The following ABI2 variants were observed in gnomAD, a reference collection of about 807,000 sequenced individuals.
The protein encoded by ABI2 is abl interactor 2.
ABI2 carries 25 observed loss-of-function variants against 59.2 expected under a neutral mutation model. That is an observed-to-expected ratio of 0.42 (90% CI 0.31 to 0.59). ABI2 has a LOEUF of 0.59. ABI2 is among the 20% of genes least tolerant of loss of function. ABI2 has a pLI of 0.14. For synonymous variants in ABI2, 213 were observed against 235.5 expected, an observed-to-expected ratio of 0.90 and a Z score of 0.87; for missense variants, 545 against 681.8, an observed-to-expected ratio of 0.80 and a Z score of 2.23.
At chr2:203,350,914 G>GTT (rs1330005308) in intron 1 of ABI2, among the ~76,000 whole-genome samples, 1 of 151,008 alleles carries the variant, frequency 6.6e-6, no homozygotes, top group African/African-American at 2.4e-5. Context: ...ACTTTTAGGT[G>GTT]TTATATATAA....
intron 2 of ABI2, among the ~76,000 whole-genome samples, chr2:203,371,680 T>G (rs549161978): frequency 6.6e-6 from 1 of 152,272 alleles, no homozygotes; most frequent in Admixed American, 6.5e-5. Context: ...TAACATTAAA[T>G]ATTTCCCCTA....
chr2:203,374,134 G>A (rs1236181568), intron 2 of ABI2, among the ~76,000 whole-genome samples: 1 of 152,092 alleles, frequency 6.6e-6, no homozygotes, highest in Non-Finnish European at 1.5e-5. Flanking sequence ...ATTCAAGCAT[G>A]GGCAACAGAG....
chr2:203,344,102 A>G (rs188764824), intron 1 of ABI2, among the ~76,000 whole-genome samples: 3 of 152,282 alleles, frequency 2.0e-5, no homozygotes, highest in East Asian at 3.9e-4. Context: ...TGAAATGTCA[A>G]ATGTTACTAT....
chr2:203,411,512 A>G (rs1223224581), intron 10 of ABI2, 141 bp downstream of exon 10: 2 of 668,768 alleles, frequency 3.0e-6, no homozygotes, highest in Non-Finnish European at 5.0e-6. Flanking sequence ...GCTAGTGGAG[A>G]TAAAATAGAG....
chr2:203,363,190 A>G (rs2093780233), intron 1 of ABI2, among the ~76,000 whole-genome samples: 1 of 152,092 alleles, frequency 6.6e-6, no homozygotes, highest in South Asian at 2.1e-4. Flanking sequence ...GAGTAGGTGT[A>G]TATATTTATG....
At chr2:203,372,273 G>C (rs942731396) in intron 2 of ABI2, among the ~76,000 whole-genome samples, 2 of 152,158 alleles carry the variant, frequency 1.3e-5, no homozygotes, top group African/African-American at 4.8e-5. Flanking sequence ...AGGATCCCAA[G>C]GCAGAAGAAT....
chr2:203,350,632 C>T (rs557711847), intron 1 of ABI2, among the ~76,000 whole-genome samples: 20 of 151,416 alleles, frequency 1.3e-4, no homozygotes, highest in Admixed American at 1.1e-3. Flanking sequence ...CTCTGCCTCC[C>T]GGGTTCAAGT....
At chr2:203,426,848 C>T (rs1461548187) in intron 11 of ABI2, among the ~76,000 whole-genome samples, 4 of 150,428 alleles carry the variant, frequency 2.7e-5, no homozygotes, top group African/African-American at 9.8e-5. Context: ...AAGAAACAGC[C>T]ATCTTTCTTG....
intron 1 of ABI2, among the ~76,000 whole-genome samples, chr2:203,347,530 G>A (rs1326670686): frequency 6.6e-6 from 1 of 152,204 alleles, no homozygotes; most frequent in Non-Finnish European, 1.5e-5. Flanking sequence ...GGAAACTCAT[G>A]GTTCAATTTG....
intron 9 of ABI2, among the ~76,000 whole-genome samples, chr2:203,410,591 T>C (rs1366038165): frequency 1.3e-5 from 2 of 152,212 alleles, no homozygotes; most frequent in Non-Finnish European, 2.9e-5. Flanking sequence ...CACTTTTCTA[T>C]ACCATCAGGG....
At chr2:203,354,665 C>T (rs147196182) in intron 1 of ABI2, among the ~76,000 whole-genome samples, 2 of 151,970 alleles carry the variant, frequency 1.3e-5, no homozygotes, top group South Asian at 4.2e-4. Flanking sequence ...CATTTTCTTG[C>T]ACTATACTGG....
intron 1 of ABI2, among the ~76,000 whole-genome samples, chr2:203,344,987 C>A (rs150775950): frequency 3.9e-5 from 6 of 152,298 alleles, no homozygotes; most frequent in African/African-American, 1.4e-4. Flanking sequence ...ATGGACCAAT[C>A]AGTAGGACGT....
chr2:203,373,304 A>C (rs2095430828), intron 2 of ABI2, among the ~76,000 whole-genome samples: 1 of 152,202 alleles, frequency 6.6e-6, no homozygotes, highest in South Asian at 2.1e-4. Flanking sequence ...CCACCAAAAA[A>C]GTACGAAAAC....
chr2:203,373,087 G>A (rs1411886429), intron 2 of ABI2, among the ~76,000 whole-genome samples: 3 of 152,100 alleles, frequency 2.0e-5, no homozygotes, highest in Admixed American at 1.3e-4. Flanking sequence ...CTGCAATCTC[G>A]GCACTTTGGG....
At chr2:203,377,898 A>G (rs746821209) in intron 2 of ABI2, among the ~76,000 whole-genome samples, 27 of 152,284 alleles carry the variant, frequency 1.8e-4, no homozygotes, top group East Asian at 1.9e-4. Flanking sequence ...AGAGTGAGAT[A>G]CTGTCTCATA....
chr2:203,427,012 G>C (rs1252877341), intron 11 of ABI2, among the ~76,000 whole-genome samples, 165 bp from the exon 12 acceptor site: 1 of 151,684 alleles, frequency 6.6e-6, no homozygotes, highest in Non-Finnish European at 1.5e-5. Flanking sequence ...TATATGACTG[G>C]GTATTACTTA....
intron 1 of ABI2, among the ~76,000 whole-genome samples, chr2:203,333,802 C>T (rs2075116618): frequency 6.6e-6 from 1 of 152,170 alleles, no homozygotes; most frequent in Admixed American, 6.5e-5. Context: ...TAAGTGACCT[C>T]ATAATTTCCG....
At chr2:203,337,500 TAAATG>T (rs1437322711) in intron 1 of ABI2, among the ~76,000 whole-genome samples, 2 of 152,120 alleles carry the variant, frequency 1.3e-5, no homozygotes, top group South Asian at 2.1e-4. Flanking sequence ...AACATGCAAA[TAAATG>T]GGAAGATATC....
chr2:203,400,463 G>A (rs891443280), intron 8 of ABI2, among the ~76,000 whole-genome samples: 1 of 152,100 alleles, frequency 6.6e-6, no homozygotes, highest in South Asian at 2.1e-4. Flanking sequence ...TAACTTGATC[G>A]TAGGTTTGTA....
Sources: gnomAD v4.1 joint callset for allele counts (sites outside exome capture counted in the v4.1 genomes callset) on GRCh38, gnomAD v4.1.1 for gene constraint, MANE v1.5 for transcripts, NCBI Gene and HGNC (gene_info 2026-07-23, HGNC 2026-07-21) for gene names.